USF2: variants seen among roughly 807,000 people sequenced by gnomAD.
The protein encoded by USF2 is upstream stimulatory factor 2.
Under a neutral mutation model 46.9 loss-of-function variants are expected in USF2, and 16 were observed. That is an observed-to-expected ratio of 0.34 (90% CI 0.23 to 0.52). The LOEUF (loss-of-function observed/expected upper bound fraction) is 0.52, where lower values mean the gene tolerates loss of function less well. USF2 is among the 20% of genes least tolerant of loss of function. The pLI is 0.96. For missense variants in USF2, 411 were observed against 474.0 expected (o/e 0.87, Z 1.23); for synonymous variants, 239 against 194.1 (o/e 1.23, Z -1.92).
Position 35,269,990 on chromosome 19 carries a change from C to G in USF2, c.416C>G (p.Ala139Gly). The G allele has an allele frequency of 4.5e-6, 6 of 1,339,854 alleles. No individual in the cohort carries two copies. The highest frequency in any genetic ancestry group is 5.7e-6 in the Non-Finnish European group (6 of 1,052,220). 83.0% of individuals were successfully genotyped at this position (1,339,854 alleles called of 1,614,324 possible). The change falls in exon 4 of 10, where the codon GCG (alanine) becomes GGG (glycine). Residue 139 changes from alanine (A) to glycine (G), a missense_variant. Ala to Gly is a moderately conservative substitution (Grantham distance 60). Around this residue, in one of 2 missense-constraint regions of USF2, gnomAD observed 318 missense variants for 322.4 expected, o/e 0.99. Transcript: ENST00000222305. Reference protein sequence around the residue: ...AAASVPPGPAAPFPLAVIQNP... With the variant: ...AAASVPPGPAGPFPLAVIQNP... ...GCCTCTGTGCCCCCAGGTCCTGCAG[C>G]GCCCTTCCCGCTGGTAGGTGCCCTG... is the stretch of plus-strand genomic sequence containing the variant.
At chr19:35,275,497 C>T (rs1198922085) in intron 7 of USF2, 2 of 150,358 alleles carry the variant, frequency 1.3e-5, no homozygotes, top group Non-Finnish European at 2.9e-5. Flanking sequence ...TGTTTCACAG[C>T]AGGGATTGAG....
Position 35,269,712 on chromosome 19 carries a change from C to T in USF2, c.228+13C>T. ...AAATGGAGGACAGGTGAGCGGCGGGCCGCGAGGGCGAACGGGCGGGCGGGC... is the reference window on the plus strand; with the variant it reads ...AAATGGAGGACAGGTGAGCGGCGGGTCGCGAGGGCGAACGGGCGGGCGGGC... On this transcript the variant is annotated intron_variant, in intron 3 of 9. Coordinates refer to ENST00000222305, the MANE Select transcript of USF2 (RefSeq NM_003367.4). The T allele has an allele frequency of 3.2e-6, 2 of 630,688 alleles. No homozygotes were observed. The highest frequency in any genetic ancestry group is 1.2e-4 in the East Asian group (1 of 8,178). The allele number at this position is 630,688 out of a possible 1,614,324, so 39.1% of individuals were successfully genotyped here.
Position 35,270,699 on chromosome 19 carries a change from C to G in USF2, c.581-19C>G. 1.2e-6 allele frequency: 2 copies of G among 1,613,626 alleles called. No individual in the cohort carries two copies. The highest frequency in any genetic ancestry group is 1.7e-6 in the Non-Finnish European group (2 of 1,179,772). On this transcript the variant is annotated intron_variant, in intron 5 of 9. Transcript: ENST00000222305. ...TGACTTCACCCTGCCTTGCCACTAA[C>G]CCCCCACTCTCCCTGCAGGCCAGTT...
At chr19:35,270,858 G>T in intron 6 of USF2, 53 bp downstream of exon 6, 1 of 1,604,752 alleles carries the variant, frequency 6.2e-7, no homozygotes, top group Non-Finnish European at 8.5e-7. Context: ...AGGAAGAGGG[G>T]TTTCTGGAGT....
At chr19:35,270,150 T>C in intron 4 of USF2, 147 bp downstream of exon 4, 1 of 1,050,566 alleles carries the variant, frequency 9.5e-7, no homozygotes, top group Non-Finnish European at 1.3e-6. Flanking sequence ...AGATCCCTGT[T>C]GTGCACCGTG....
chr19:35,271,253 G>A, intron 7 of USF2, 112 bp downstream of exon 7: 22 of 1,251,312 alleles, frequency 1.8e-5, no homozygotes, highest in Non-Finnish European at 2.5e-5. Flanking sequence ...GGCCACAAGT[G>A]CTCCAGAGGG....
chr19:35,270,550 C>G lies in USF2; in HGVS notation c.533C>G (p.Thr178Ser). 6.2e-7 allele frequency: 1 copy of G among 1,614,166 alleles called. No homozygotes were observed. The highest frequency in any genetic ancestry group is 8.5e-7 in the Non-Finnish European group (1 of 1,180,006). The change falls in exon 5 of 10, where the codon ACT (threonine) becomes AGT (serine). Residue 178 changes from threonine (T) to serine (S), a missense_variant. Thr to Ser is a moderately conservative substitution (Grantham distance 58). Around this residue, in one of 2 missense-constraint regions of USF2, gnomAD observed 318 missense variants for 322.4 expected, o/e 0.99. Transcript: ENST00000222305. ...AYFPASSVGD[T>S]TAVSVQTTDQ... is the part of the protein sequence containing the mutation. ...TTCCCAGCGTCCAGTGTGGGAGATA[C>G]TACGGCTGTGTCCGTACAGACCACA...
At chr19:35,277,303 G>A (rs2066247996) in intron 7 of USF2, 1 of 153,350 alleles carries the variant, frequency 6.5e-6, no homozygotes, top group African/African-American at 2.4e-5. Context: ...AGGAAAGAGG[G>A]AGCACAAGGA....
Position 35,271,137 on chromosome 19 carries a change from C to G in USF2, c.723C>G (p.Asn241Lys). ...ATGAGAGGAGAAGAGCCCAGCACAA[C>G]GAAGGTGAGGACAAGGTGTGGCTCC... ...PRDERRRAQH[N>K]EVERRRRDKI... The change falls in exon 7 of 10, where the codon AAC (asparagine) becomes AAG (lysine). Residue 241 changes from asparagine (N) to lysine (K), a missense_variant. Physicochemically the swap from Asn to Lys is moderately conservative, Grantham distance 94. This residue lies in a region of USF2 where 93 missense variants were observed against 151.6 expected (regional missense o/e 0.61). Coordinates refer to ENST00000222305, the MANE Select transcript of USF2 (RefSeq NM_003367.4). 6.2e-7 allele frequency: 1 copy of G among 1,613,814 alleles called. No homozygotes were observed. The highest frequency in any genetic ancestry group is 8.5e-7 in the Non-Finnish European group (1 of 1,179,974).
intron 4 of USF2, 28 bp downstream of exon 4, chr19:35,270,031 G>A (rs994738877): frequency 3.0e-6 from 4 of 1,347,524 alleles, no homozygotes; most frequent in African/African-American, 3.1e-5. Context: ...CCTGGGTGGG[G>A]GGGGGAGGGA....
At position 35,269,886 on chromosome 19, in the gene USF2, C is replaced by G. The variant is rs897484110; in HGVS notation, c.312C>G (p.Thr104=). 2.1e-6 allele frequency: 3 copies of G among 1,408,384 alleles called. No homozygotes were observed. Among genetic ancestry groups the G allele is most frequent in the Admixed American group, 3.5e-5 (1 of 28,490 alleles). The allele number at this position is 1,408,384 out of a possible 1,614,324, so 87.2% of individuals were successfully genotyped here. Residue 104 remains threonine (T), a synonymous_variant, in exon 4 of 10, where the codon ACC becomes ACG. Coordinates refer to ENST00000222305, the MANE Select transcript of USF2 (RefSeq NM_003367.4). ...DTAGAVSVVS[T]AAFAGGQQAV... Reference sequence around the variant, plus strand: ...CTGGCGCCGTCAGCGTCGTGTCCACCGCTGCCTTCGCGGGGGGGCAGCAGG... The same window carrying G: ...CTGGCGCCGTCAGCGTCGTGTCCACGGCTGCCTTCGCGGGGGGGCAGCAGG...
chr19:35,271,940 G>A (rs1182537442), intron 7 of USF2, among the ~76,000 whole-genome samples: 1 of 152,188 alleles, frequency 6.6e-6, no homozygotes, highest in African/African-American at 2.4e-5. Flanking sequence ...GGAGAGGGGA[G>A]TGTGGGTCAG....
At chr19:35,270,365 G>A (rs757491614) in intron 4 of USF2, 82 bp from the exon 5 acceptor site, 1 of 1,544,554 alleles carries the variant, frequency 6.5e-7, no homozygotes, top group East Asian at 2.3e-5. Flanking sequence ...AGAGAATGCA[G>A]TAAACCCCAA....
At chr19:35,271,193 C>T (rs750465220) in intron 7 of USF2, 52 bp downstream of exon 7, 6 of 1,608,854 alleles carry the variant, frequency 3.7e-6, no homozygotes, top group Non-Finnish European at 5.1e-6. Flanking sequence ...CTCACAGGCT[C>T]AGCCAGCCCT....
At chr19:35,271,008 T>C (rs775338332) in intron 6 of USF2, 75 bp from the exon 7 acceptor site, 1 of 1,580,244 alleles carries the variant, frequency 6.3e-7, no homozygotes, top group East Asian at 2.2e-5. Context: ...AATTTTCAAA[T>C]CTAATACTTA....
intron 1 of USF2, 32 bp downstream of exon 1, chr19:35,269,195 C>A: frequency 2.1e-6 from 2 of 973,398 alleles, no homozygotes; most frequent in South Asian, 9.2e-5. Context: ...TGCCCCCGCG[C>A]CCCGGCCCCG....
intron 8 of USF2, 39 bp from the exon 9 acceptor site, chr19:35,278,907 G>T (rs28365137): frequency 6.3e-7 from 1 of 1,575,836 alleles, no homozygotes; most frequent in East Asian, 2.2e-5. Flanking sequence ...GCCGGTGGGC[G>T]GTGCCTGCCC....
In USF2 at chr19:35,279,004, A is replaced by G. The variant is rs748085813; in HGVS notation, c.881A>G (p.Asn294Ser). The change falls in exon 9 of 10, where the codon AAC (asparagine) becomes AGC (serine). Residue 294 changes from asparagine (N) to serine (S), a missense_variant. Physicochemically the swap from Asn to Ser is conservative, Grantham distance 46. Coordinates refer to ENST00000222305, the MANE Select transcript of USF2 (RefSeq NM_003367.4). ...TACATCCGGGAGTTGCGCCAGACCA[A>G]CCAGCGCATGCAGGAGACCTTCAAA... is the stretch of plus-strand genomic sequence containing the variant. ...CDYIRELRQT[N>S]QRMQETFKEA... The G allele has an allele frequency of 6.4e-7, 1 of 1,572,398 alleles. No homozygotes were observed. The highest frequency in any genetic ancestry group is 1.2e-5 in the South Asian group (1 of 85,536).
Position 35,279,202 on chromosome 19 carries a change from A to G in USF2, c.987A>G (p.Arg329=). ...TGAAGAATGAGAACGCCCTGCTTCG[A>G]GCCCAGCTGCAGCAGCACAACCTGG... is the stretch of plus-strand genomic sequence containing the variant. The part of the protein sequence containing the change: ...EELKNENALL[R]AQLQQHNLEM... The change falls in exon 10 of 10, where the codon CGA becomes CGG. Residue 329 remains arginine (R), a synonymous_variant. Transcript: ENST00000222305. 1 of 1,598,260 alleles carries G rather than the reference A, an allele frequency of 6.3e-7. No homozygotes were observed.
Sources: gnomAD v4.1 joint callset for allele counts (sites outside exome capture counted in the v4.1 genomes callset) on GRCh38, gnomAD v4.1.1 for gene constraint, gnomAD v4.1.1 regional missense constraint, MANE v1.5 for transcripts, NCBI Gene and HGNC (gene_info 2026-07-23, HGNC 2026-07-21) for gene names.